The following WASF3 variants were observed in gnomAD, a reference collection of about 807,000 sequenced individuals.
WASF3 encodes the protein WASP family member 3.
In WASF3, 11 loss-of-function variants were observed where a neutral mutation model predicts 46.6. That is an observed-to-expected ratio of 0.24 (90% CI 0.15 to 0.39). WASF3 has a LOEUF of 0.39. Ranked by LOEUF, WASF3 falls within the 10% of genes least tolerant of loss-of-function variation. The pLI is 1.00. For missense variants in WASF3, 576 were observed against 669.8 expected (o/e 0.86, Z 1.55); for synonymous variants, 242 against 259.7 (o/e 0.93, Z 0.65).
At chr13:26,542,019 A>G in the WASF3 span, among the ~76,000 whole-genome samples, 3 of 152,334 alleles carry the variant, frequency 2.0e-5, no homozygotes, top group African/African-American at 2.4e-5. Context: ...ATGCTGTGGT[A>G]CACATTAAGC....
At chr13:26,599,184 C>CTTT (rs57148941) in intron 1 of WASF3, among the ~76,000 whole-genome samples, 50,836 of 118,086 alleles carry the variant, frequency 0.43, 13,367 homozygotes, top group Non-Finnish European at 0.54. Context: ...CTTTTCATTT[C>CTTT]TTTTTTTTTT....
chr13:26,683,759 C>A (rs1202483536), intron 9 of WASF3, among the ~76,000 whole-genome samples: 1 of 152,116 alleles, frequency 6.6e-6, no homozygotes, highest in Non-Finnish European at 1.5e-5. Flanking sequence ...CCCGCGTTGA[C>A]CCCCTGACCA....
At chr13:26,620,264 A>G (rs548050638) in intron 2 of WASF3, among the ~76,000 whole-genome samples, 1 of 152,194 alleles carries the variant, frequency 6.6e-6, no homozygotes, top group Non-Finnish European at 1.5e-5. Flanking sequence ...GTGCATCAGA[A>G]TAAATTTTTA....
chr13:26,662,495 A>G lies in WASF3; in HGVS notation c.134-2533A>G, dbSNP rs376153164. 2.2e-4 allele frequency among the ~76,000 whole-genome samples: 33 copies of G among 152,382 alleles called. No homozygotes were observed. The South Asian group carries it at 6.8e-3, about 32-fold the overall frequency. ...TGAAGAATGAAGTCATGTCTTTTGC[A>G]GCAACATGGATGCAGCTGGAGGCCA... On this transcript the variant is annotated intron_variant, in intron 3 of 9. Transcript: ENST00000335327.
intron 9 of WASF3, among the ~76,000 whole-genome samples, chr13:26,685,043 G>A (rs1008139704): frequency 1.3e-5 from 2 of 149,414 alleles, no homozygotes; most frequent in East Asian, 2.0e-4. Flanking sequence ...AGCCATGATC[G>A]TAACACTGCA....
chr13:26,636,473 G>C (rs1206225833), intron 2 of WASF3, among the ~76,000 whole-genome samples: 1 of 152,192 alleles, frequency 6.6e-6, no homozygotes, highest in East Asian at 1.9e-4. Flanking sequence ...TCCTGGGTGA[G>C]GCAATGCCCC....
In WASF3 at chr13:26,640,304, T is replaced by C. The variant is rs531866092; in HGVS notation, c.-10-1957T>C. On this transcript the variant is annotated intron_variant, in intron 2 of 9. Coordinates refer to ENST00000335327, the MANE Select transcript of WASF3 (RefSeq NM_006646.6). ...AATATATTCCAGTCATTGGATTTTC[T>C]AGTATTGTATGAAGATGAGGCTGGT... 2.6e-5 allele frequency: 4 copies of C among 152,284 alleles called. No homozygotes were observed. The East Asian group carries it at 7.7e-4, about 29-fold the overall frequency. 9.4% of individuals were successfully genotyped at this position (152,284 alleles called of 1,614,324 possible).
intron 1 of WASF3, among the ~76,000 whole-genome samples, chr13:26,584,182 A>G (rs1167573977): frequency 6.6e-6 from 1 of 152,192 alleles, no homozygotes; most frequent in Non-Finnish European, 1.5e-5. Context: ...CTTAGTTGCA[A>G]GGGACCAGTA....
At chr13:26,560,555 T>C (rs1879264788) in intron 1 of WASF3, among the ~76,000 whole-genome samples, 1 of 152,174 alleles carries the variant, frequency 6.6e-6, no homozygotes, top group Non-Finnish European at 1.5e-5. Context: ...ACTATTTTAA[T>C]CACTAGGGTT....
chr13:26,540,844 A>C, the WASF3 span, among the ~76,000 whole-genome samples: 1 of 152,132 alleles, frequency 6.6e-6, no homozygotes, highest in African/African-American at 2.4e-5. Flanking sequence ...TTAAAATCAG[A>C]CTATAGATAA....
At position 26,586,452 on chromosome 13, in the gene WASF3, C is replaced by T. The variant is rs185714797; in HGVS notation, c.-108-26509C>T. On this transcript the variant is annotated intron_variant, in intron 1 of 9. Coordinates refer to ENST00000335327, the MANE Select transcript of WASF3 (RefSeq NM_006646.6). Reference sequence around the variant, plus strand: ...ATCTTATACTGAGTTCCTATATATACTGCCAGTTTCTGCATTTTCTAGTCT... The same window carrying T: ...ATCTTATACTGAGTTCCTATATATATTGCCAGTTTCTGCATTTTCTAGTCT... 9.5e-4 allele frequency among the ~76,000 whole-genome samples: 145 copies of T among 152,250 alleles called. 1 individual carries two copies. The highest frequency in any genetic ancestry group is 3.4e-3 in the African/African-American group (141 of 41,562).
At chr13:26,561,741 G>A (rs995527318) in intron 1 of WASF3, among the ~76,000 whole-genome samples, 1 of 152,182 alleles carries the variant, frequency 6.6e-6, no homozygotes, top group African/African-American at 2.4e-5. Flanking sequence ...AGTTAAAAAT[G>A]TCTAGATTAG....
chr13:26,546,946 G>C, the WASF3 span, among the ~76,000 whole-genome samples: 55 of 152,244 alleles, frequency 3.6e-4, no homozygotes, highest in Non-Finnish European at 6.8e-4. Context: ...TTCAAGGACA[G>C]ATCTCCCCAG....
intron 7 of WASF3, 52 bp from the exon 8 acceptor site, chr13:26,681,002 A>G (rs1566074117): frequency 7.7e-6 from 12 of 1,561,762 alleles, no homozygotes; most frequent in South Asian, 2.4e-5. Context: ...CTGTTAGCCG[A>G]CAATTTTTAA....
chr13:26,552,960 G>A (rs1331419883), upstream of WASF3, among the ~76,000 whole-genome samples: 1 of 152,224 alleles, frequency 6.6e-6, no homozygotes, highest in Non-Finnish European at 1.5e-5. Context: ...TTAAGAGGAT[G>A]CCTAAGCTGC....
intron 1 of WASF3, among the ~76,000 whole-genome samples, chr13:26,611,969 A>G (rs1433793025): frequency 6.6e-6 from 1 of 152,016 alleles, no homozygotes; most frequent in Non-Finnish European, 1.5e-5. Flanking sequence ...CTTTTCTTCC[A>G]TAATGAAATG....
chr13:26,554,092 C>CTTTTTCTTTCTTTCTTTCTTTCTTTCT, upstream of WASF3, among the ~76,000 whole-genome samples: 1 of 23,262 alleles, frequency 4.3e-5, no homozygotes. Flanking sequence ...TCCTTCCTTC[C>CTTTTTCTTTCTTTCTTTCTTTCTTTCT]TTCCTTCTTT....
intron 9 of WASF3, 106 bp downstream of exon 9, chr13:26,683,080 T>C: frequency 6.8e-7 from 1 of 1,466,252 alleles, no homozygotes; most frequent in South Asian, 1.4e-5. Context: ...CACTACGTTT[T>C]TTAAAATAGA....
chr13:26,658,691 T>C (rs1882536873), intron 3 of WASF3, among the ~76,000 whole-genome samples: 1 of 152,226 alleles, frequency 6.6e-6, no homozygotes, highest in South Asian at 2.1e-4. Context: ...GAGCACTGGC[T>C]GAGCACAAGC....
Sources: allele counts gnomAD v4.1 joint callset (sites outside exome capture counted in the v4.1 genomes callset), GRCh38; gene constraint gnomAD v4.1.1; transcripts MANE v1.5; gene names NCBI Gene and HGNC (gene_info 2026-07-23, HGNC 2026-07-21).